The following ALOX5 variants were observed in gnomAD, a reference collection of about 807,000 sequenced individuals.
ALOX5 encodes polyunsaturated fatty acid 5-lipoxygenase.
In ALOX5, 64 loss-of-function variants were observed where a neutral mutation model predicts 87.9. That is an observed-to-expected ratio of 0.73 (90% CI 0.60 to 0.90). The LOEUF (loss-of-function observed/expected upper bound fraction) is 0.90, where lower values mean the gene tolerates loss of function less well. Among genes scored for constraint, ALOX5 ranks in the 40% least tolerant of loss-of-function variants. The pLI is 0.00. For missense variants in ALOX5, 822 were observed against 907.5 expected (o/e 0.91, Z 1.21); for synonymous variants, 388 against 355.1 (o/e 1.09, Z -1.04).
chr10:45,420,200 C>T (rs1841452647), intron 4 of ALOX5, among the ~76,000 whole-genome samples: 1 of 152,144 alleles, frequency 6.6e-6, no homozygotes, highest in African/African-American at 2.4e-5. Flanking sequence ...GCCTATAAAA[C>T]ATATTGACTT....
At chr10:45,413,252 G>A (rs1841140478) in intron 4 of ALOX5, among the ~76,000 whole-genome samples, 1 of 152,166 alleles carries the variant, frequency 6.6e-6, no homozygotes, top group African/African-American at 2.4e-5. Context: ...CCATGATCAA[G>A]TGGGCTTCAT....
intron 4 of ALOX5, among the ~76,000 whole-genome samples, chr10:45,422,768 C>G (rs1194529753): frequency 6.6e-6 from 1 of 152,330 alleles, no homozygotes; most frequent in Admixed American, 6.5e-5. Context: ...TCTATTGGGA[C>G]AGCCACATCA....
At chr10:45,435,692 C>T (rs546377662) in intron 7 of ALOX5, among the ~76,000 whole-genome samples, 47 of 152,270 alleles carry the variant, frequency 3.1e-4, no homozygotes, top group Non-Finnish European at 5.6e-4. Flanking sequence ...TGATGGGCAC[C>T]TAGGTTGATT....
chr10:45,383,418 G>A (rs1378408999), intron 2 of ALOX5, among the ~76,000 whole-genome samples: 2 of 152,224 alleles, frequency 1.3e-5, no homozygotes, highest in Non-Finnish European at 2.9e-5. Flanking sequence ...GCCTCCTAGT[G>A]TGCCTGGCAA....
chr10:45,444,016 G>T, intron 12 of ALOX5, 100 bp from the exon 13 acceptor site: 9 of 1,450,614 alleles, frequency 6.2e-6, no homozygotes, highest in Non-Finnish European at 8.2e-6. Flanking sequence ...GGACTGCAGG[G>T]CCCGCTGGAG....
At chr10:45,420,013 C>T (rs1362297664) in intron 4 of ALOX5, among the ~76,000 whole-genome samples, 1 of 152,146 alleles carries the variant, frequency 6.6e-6, no homozygotes, top group African/African-American at 2.4e-5. Flanking sequence ...AGACCACATC[C>T]CCTCTTATCG....
At chr10:45,379,320 C>T (rs772934931) in intron 1 of ALOX5, among the ~76,000 whole-genome samples, 7 of 152,124 alleles carry the variant, frequency 4.6e-5, no homozygotes, top group Non-Finnish European at 1.0e-4. Flanking sequence ...AGGAAAGCTA[C>T]TTCCCCTGCA....
At chr10:45,375,252 C>T (rs1191517532) in intron 1 of ALOX5, among the ~76,000 whole-genome samples, 3 of 152,180 alleles carry the variant, frequency 2.0e-5, no homozygotes, top group African/African-American at 7.2e-5. Context: ...AGGGAGCCCT[C>T]AGCATTTGGA....
chr10:45,400,994 T>C (rs1840679543), intron 3 of ALOX5, among the ~76,000 whole-genome samples: 1 of 152,226 alleles, frequency 6.6e-6, no homozygotes, highest in African/African-American at 2.4e-5. Flanking sequence ...TAATAACACA[T>C]TACAGAGTGC....
At chr10:45,380,243 C>A (rs1045602444) in intron 1 of ALOX5, among the ~76,000 whole-genome samples, 12 of 152,240 alleles carry the variant, frequency 7.9e-5, no homozygotes, top group Non-Finnish European at 1.5e-4. Context: ...GTCGTGGGGC[C>A]GAGGCTGGTC....
At chr10:45,415,543 C>T (rs977179072) in intron 4 of ALOX5, among the ~76,000 whole-genome samples, 6 of 151,532 alleles carry the variant, frequency 4.0e-5, no homozygotes, top group African/African-American at 7.3e-5. Flanking sequence ...CAATCCTGCA[C>T]GTTGTGCACA....
chr10:45,398,170 G>A (rs186064615), intron 3 of ALOX5, among the ~76,000 whole-genome samples: 1 of 152,318 alleles, frequency 6.6e-6, no homozygotes, highest in African/African-American at 2.4e-5. Context: ...AAATAGACTT[G>A]AGAGTCCAGA....
chr10:45,399,726 T>C (rs977415157), intron 3 of ALOX5, among the ~76,000 whole-genome samples: 1 of 152,188 alleles, frequency 6.6e-6, no homozygotes, highest in Non-Finnish European at 1.5e-5. Context: ...GGAGAAAATA[T>C]CTAAATCATA....
intron 3 of ALOX5, among the ~76,000 whole-genome samples, chr10:45,409,593 C>G (rs1430530330): frequency 6.6e-6 from 1 of 151,048 alleles, no homozygotes; most frequent in Non-Finnish European, 1.5e-5. Context: ...CTCTCTGTCT[C>G]TCTGTCTCTC....
chr10:45,445,196 C>T (rs1324018035), intron 13 of ALOX5, among the ~76,000 whole-genome samples: 1 of 152,234 alleles, frequency 6.6e-6, no homozygotes, highest in Admixed American at 6.5e-5. Context: ...AGCAGGATAC[C>T]ATGGCTGCAA....
intron 4 of ALOX5, 81 bp downstream of exon 4, chr10:45,412,394 A>C (rs1231553402): frequency 6.4e-7 from 1 of 1,561,388 alleles, no homozygotes; most frequent in African/African-American, 1.4e-5. Context: ...TCCTTTCCTC[A>C]TGGGGTCCTT....
rs962352552 is a variant in ALOX5 at position 45,423,948 on chromosome 10, G to C, written c.555-93G>C. 3.1e-6 allele frequency: 3 copies of C among 967,740 alleles called. No individual in the cohort carries two copies. The South Asian group carries it at 4.1e-5, about 13-fold the overall frequency. The allele number at this position is 967,740 out of a possible 1,614,324, so 59.9% of individuals were successfully genotyped here. On this transcript the variant is annotated intron_variant, in intron 4 of 13. Transcript: ENST00000374391. The stretch of plus-strand genomic sequence containing the variant: ...TGCAGAGCTGCCTGGAGGGGGCGGG[G>C]GTTGTGAGGACCCCTGAGAGCTTGG...
At chr10:45,429,158 C>G (rs1178041517) in intron 7 of ALOX5, among the ~76,000 whole-genome samples, 3 of 152,150 alleles carry the variant, frequency 2.0e-5, no homozygotes, top group Admixed American at 6.5e-5. Context: ...GGTATGCCAC[C>G]TTTGATGATG....
At chr10:45,445,046 A>C (rs1842394033) in intron 13 of ALOX5, among the ~76,000 whole-genome samples, 1 of 152,240 alleles carries the variant, frequency 6.6e-6, no homozygotes, top group Admixed American at 6.5e-5. Context: ...TGAGAATGCA[A>C]ATAAGCACAG....
Sources: gnomAD v4.1 joint callset for allele counts (sites outside exome capture counted in the v4.1 genomes callset) on GRCh38, gnomAD v4.1.1 for gene constraint, MANE v1.5 for transcripts, NCBI Gene and HGNC (gene_info 2026-07-23, HGNC 2026-07-21) for gene names.